Variants in XRN1 observed in about 807,000 individuals in gnomAD.
The protein encoded by XRN1 is strand-exchange protein 1 homolog.
A neutral mutation model predicts 222.3 loss-of-function variants in XRN1; 67 were observed. That is an observed-to-expected ratio of 0.30 (90% CI 0.25 to 0.37). The LOEUF (loss-of-function observed/expected upper bound fraction) is 0.37, where lower values mean the gene tolerates loss of function less well. Ranked by LOEUF, XRN1 falls within the 10% of genes least tolerant of loss-of-function variation. The pLI is 1.00. For synonymous variants in XRN1, 643 were observed against 652.4 expected (o/e 0.99, Z 0.22); for missense variants, 1,707 against 2,000.2 (o/e 0.85, Z 2.80).
At chr3:142,439,714 G>A (rs753051515) in intron 1 of XRN1, among the ~76,000 whole-genome samples, 7 of 151,258 alleles carry the variant, frequency 4.6e-5, no homozygotes, top group African/African-American at 7.3e-5. Flanking sequence ...TTATAATAGA[G>A]ATCAGGAGGA....
intron 2 of XRN1, 74 bp from the exon 3 acceptor site, chr3:142,426,915 A>G: frequency 8.8e-7 from 1 of 1,131,934 alleles, no homozygotes. Flanking sequence ...ACTGCTATGT[A>G]GGTGCCTTTA....
rs1304153854 is a variant in XRN1 at position 142,365,095 on chromosome 3, A to G, written c.3346T>C (p.Phe1116Leu). Residue 1116 changes from phenylalanine (F) to leucine (L), a missense_variant, in exon 29 of 41, where the codon TTC becomes CTC. Coordinates refer to ENST00000392981, the MANE Select transcript of XRN1 (RefSeq NM_001282857.2). ...CCTCGAAGGCCAACTGGAACTGAGA[A>G]GTTTTCTCTCACATTTACAACACGG... The part of the protein sequence containing the change: ...FDRVVNVREN[F>L]SVPVGLRGTI... The G allele has an allele frequency of 6.2e-7, 1 of 1,613,444 alleles. No individual in the cohort carries two copies. The highest frequency in any genetic ancestry group is 8.5e-7 in the Non-Finnish European group (1 of 1,179,718).
chr3:142,326,323 T>C (rs779490988), intron 37 of XRN1, among the ~76,000 whole-genome samples: 2 of 152,146 alleles, frequency 1.3e-5, no homozygotes, highest in African/African-American at 2.4e-5. Context: ...CTTCAATTTC[T>C]TGCATCATTG....
rs1274340776 is a variant in XRN1 at position 142,422,730 on chromosome 3, A to G, written c.819T>C (p.Tyr273=). 1.9e-6 allele frequency: 3 copies of G among 1,611,454 alleles called. No individual in the cohort carries two copies. The highest frequency in any genetic ancestry group is 1.1e-5 in the South Asian group (1 of 90,674). ...SVLKEKITFK[Y]DIERIIDDWI... ...AATCATCTATTATCCTTTCAATATC[A>G]TATTTAAATGTGATCTTTTCCTACA... The change falls in exon 8 of 41, where the codon TAT becomes TAC. Residue 273 remains tyrosine (Y), a synonymous_variant. Coordinates refer to ENST00000392981, the MANE Select transcript of XRN1 (RefSeq NM_001282857.2).
chr3:142,412,837 A>G (rs996014117), intron 14 of XRN1, among the ~76,000 whole-genome samples, 174 bp from the exon 15 acceptor site: 9 of 152,216 alleles, frequency 5.9e-5, no homozygotes, highest in African/African-American at 2.2e-4. Context: ...ATTTTCAACT[A>G]TAAGAATTCT....
At chr3:142,446,121 T>C (rs769431188) in intron 1 of XRN1, among the ~76,000 whole-genome samples, 3 of 152,208 alleles carry the variant, frequency 2.0e-5, no homozygotes, top group Non-Finnish European at 4.4e-5. Context: ...CTAGTTTCTC[T>C]TTCTGTTTTT....
At chr3:142,415,233 CA>C (rs781603751) in intron 13 of XRN1, among the ~76,000 whole-genome samples, 21 of 152,050 alleles carry the variant, frequency 1.4e-4, no homozygotes, top group Admixed American at 2.0e-4. Flanking sequence ...AAGCTTTGAA[CA>C]AACAATTTTT....
At chr3:142,325,698 G>A (rs2065496586) in intron 37 of XRN1, among the ~76,000 whole-genome samples, 1 of 152,028 alleles carries the variant, frequency 6.6e-6, no homozygotes, top group Non-Finnish European at 1.5e-5. Context: ...ATGCATTTTT[G>A]CTTTAGTTGC....
At chr3:142,391,030 C>CA (rs1206819294) in intron 20 of XRN1, among the ~76,000 whole-genome samples, 1 of 151,954 alleles carries the variant, frequency 6.6e-6, no homozygotes, top group Non-Finnish European at 1.5e-5. Flanking sequence ...TGATGGTGAC[C>CA]AAAAACAATT....
At chr3:142,314,747 A>G (rs116132979) in intron 39 of XRN1, among the ~76,000 whole-genome samples, 2,521 of 151,530 alleles carry the variant, frequency 0.017, 74 homozygotes, top group African/African-American at 0.058. Flanking sequence ...CTATAAAAAG[A>G]TACAAAAATT....
intron 1 of XRN1, among the ~76,000 whole-genome samples, chr3:142,437,780 T>C (rs945636779): frequency 1.3e-5 from 2 of 152,158 alleles, no homozygotes; most frequent in African/African-American, 4.8e-5. Flanking sequence ...AAGAAATGTA[T>C]TTGCAAACTA....
intron 10 of XRN1, among the ~76,000 whole-genome samples, chr3:142,419,535 C>G (rs2068919372): frequency 6.6e-6 from 1 of 152,082 alleles, no homozygotes; most frequent in South Asian, 2.1e-4. Flanking sequence ...CTTGGCCGGG[C>G]ACGGTGGCTC....
In XRN1 at chr3:142,404,960, G is replaced by A. The variant is rs767137729; in HGVS notation, c.1830C>T (p.Ile610=). The part of the protein sequence containing the change: ...MCWYDRDTEF[I]YPSPWPEKFP... ...ACTTTTCTGGCCATGGAGAAGGATA[G>A]ATAAACTCTGTGTCTCTATCATACC... is the stretch of plus-strand genomic sequence containing the variant. The change falls in exon 16 of 41, where the codon ATC becomes ATT. Residue 610 remains isoleucine, a synonymous_variant. Transcript: ENST00000392981. 3.7e-6 allele frequency: 6 copies of A among 1,613,894 alleles called. No homozygotes were observed. Among genetic ancestry groups the A allele is most frequent in the Non-Finnish European group, 5.1e-6 (6 of 1,179,922 alleles).
At chr3:142,339,188 C>T (rs2065921539) in intron 33 of XRN1, among the ~76,000 whole-genome samples, 1 of 152,162 alleles carries the variant, frequency 6.6e-6, no homozygotes, top group Non-Finnish European at 1.5e-5. Context: ...GTGGTGGCCA[C>T]AGGGGTACCT....
intron 37 of XRN1, among the ~76,000 whole-genome samples, chr3:142,319,476 T>C (rs752288711): frequency 2.3e-4 from 35 of 152,202 alleles, no homozygotes; most frequent in Non-Finnish European, 4.1e-4. Context: ...TATATTATAC[T>C]TTAATTTTCT....
At chr3:142,369,579 T>C (rs1269215404) in intron 27 of XRN1, among the ~76,000 whole-genome samples, 3 of 138,918 alleles carry the variant, frequency 2.2e-5, no homozygotes, top group East Asian at 2.2e-4. Flanking sequence ...ATCTGGGAGG[T>C]GGAGGTTGCA....
At chr3:142,391,736 TAA>T (rs201046497) in intron 20 of XRN1, among the ~76,000 whole-genome samples, 14,118 of 121,256 alleles carry the variant, frequency 0.12, 871 homozygotes, top group African/African-American at 0.18. Flanking sequence ...CCCGTCTCAC[TAA>T]AAAAAAAAAA....
At chr3:142,341,800 A>T (rs1303804161) in intron 33 of XRN1, among the ~76,000 whole-genome samples, 1 of 152,206 alleles carries the variant, frequency 6.6e-6, no homozygotes, top group Non-Finnish European at 1.5e-5. Context: ...ATACATTTCA[A>T]GACAAAAACA....
chr3:142,395,373 A>G (rs2067890030), intron 20 of XRN1, among the ~76,000 whole-genome samples: 1 of 152,236 alleles, frequency 6.6e-6, no homozygotes, highest in South Asian at 2.1e-4. Context: ...GACAAGGTTA[A>G]ACAGGACAGC....
Sources: gnomAD v4.1 joint callset for allele counts (sites outside exome capture counted in the v4.1 genomes callset) on GRCh38, gnomAD v4.1.1 for gene constraint, MANE v1.5 for transcripts, NCBI Gene and HGNC (gene_info 2026-07-23, HGNC 2026-07-21) for gene names.